SDCCAG8: variants seen among roughly 807,000 people sequenced by gnomAD.
SDCCAG8 encodes serologically defined colon cancer antigen 8.
Under a neutral mutation model 101.8 loss-of-function variants are expected in SDCCAG8, and 74 were observed. The observed-to-expected ratio is 0.73, with a 90% CI of 0.60 to 0.88. SDCCAG8 has a LOEUF of 0.88. Ranked by LOEUF, SDCCAG8 falls within the 40% of genes least tolerant of loss-of-function variation. SDCCAG8 has a pLI of 0.00. For missense variants in SDCCAG8, 787 were observed against 822.6 expected (o/e 0.96, Z 0.53); for synonymous variants, 281 against 292.9 (o/e 0.96, Z 0.41).
chr1:243,431,184 G>C (rs1295442596), intron 16 of SDCCAG8, among the ~76,000 whole-genome samples: 1 of 152,182 alleles, frequency 6.6e-6, no homozygotes. Flanking sequence ...GTGATAGAGC[G>C]AGACTTTGTC....
intron 16 of SDCCAG8, among the ~76,000 whole-genome samples, chr1:243,443,885 G>T: frequency 6.6e-6 from 1 of 151,614 alleles, no homozygotes. Context: ...TATATTCCTA[G>T]TTTTCAATAT....
chr1:243,399,902 A>C (rs946611848), intron 13 of SDCCAG8, among the ~76,000 whole-genome samples: 1 of 152,196 alleles, frequency 6.6e-6, no homozygotes, highest in East Asian at 1.9e-4. Flanking sequence ...CTTAATCCCC[A>C]CATAACCCTA....
At chr1:243,272,777 A>G (rs558806869) in intron 3 of SDCCAG8, among the ~76,000 whole-genome samples, 3 of 152,232 alleles carry the variant, frequency 2.0e-5, no homozygotes, top group Non-Finnish European at 4.4e-5. Context: ...ATTATAAACC[A>G]TAATAGTAAT....
chr1:243,460,563 G>T (rs1206012141), intron 16 of SDCCAG8, among the ~76,000 whole-genome samples: 1 of 152,212 alleles, frequency 6.6e-6, no homozygotes, highest in African/African-American at 2.4e-5. Flanking sequence ...AATGGATAAA[G>T]ATGATTCAGA....
intron 16 of SDCCAG8, among the ~76,000 whole-genome samples, chr1:243,430,948 C>T (rs2081711816): frequency 1.3e-5 from 2 of 152,064 alleles, no homozygotes; most frequent in Admixed American, 6.5e-5. Flanking sequence ...CCTGTAATCC[C>T]AGCCCTTTGA....
intron 16 of SDCCAG8, among the ~76,000 whole-genome samples, chr1:243,466,746 G>C (rs1056246504): frequency 2.6e-5 from 4 of 152,226 alleles, no homozygotes; most frequent in African/African-American, 7.2e-5. Flanking sequence ...AGGTCCTATC[G>C]AGAGTAGACA....
In SDCCAG8 at chr1:243,334,410, T is replaced by C. The variant is rs1457001482; in HGVS notation, c.1221+3718T>C. Among the ~76,000 whole-genome samples, 5 of 152,192 alleles carry C rather than the reference T, an allele frequency of 3.3e-5. No homozygotes were observed. In the South Asian group the frequency reaches 6.2e-4, roughly 19 times the overall value. On this transcript the variant is annotated intron_variant, in intron 10 of 17. Coordinates refer to ENST00000366541, the MANE Select transcript of SDCCAG8 (RefSeq NM_006642.5). ...TCCTCTCTTTGGCTCTCCGGTCTTA[T>C]GTTCCTTCATTTTTCTTCTTTGCAC...
chr1:243,354,384 T>G (rs967687454), intron 12 of SDCCAG8, among the ~76,000 whole-genome samples: 1 of 152,240 alleles, frequency 6.6e-6, no homozygotes, highest in African/African-American at 2.4e-5. Flanking sequence ...GACTGTCATC[T>G]GCAATTTTAG....
At chr1:243,307,403 A>G in intron 7 of SDCCAG8, 2 of 984,084 alleles carry the variant, frequency 2.0e-6, no homozygotes, top group Non-Finnish European at 2.4e-6. Flanking sequence ...TTCTTTTGAA[A>G]CAGATCTTTG....
At chr1:243,462,960 G>C (rs1197173790) in intron 16 of SDCCAG8, among the ~76,000 whole-genome samples, 2 of 152,194 alleles carry the variant, frequency 1.3e-5, no homozygotes, top group Admixed American at 6.5e-5. Context: ...GGTGGAAATG[G>C]TTTTGTCAGT....
Position 243,399,732 on chromosome 1 carries a change from C to A in SDCCAG8, c.1617-15970C>A, listed in dbSNP as rs902839285. 2.6e-5 allele frequency among the ~76,000 whole-genome samples: 4 copies of A among 152,240 alleles called. No homozygotes were observed. The East Asian group carries it at 7.7e-4, about 29-fold the overall frequency. On this transcript the variant is annotated intron_variant, in intron 13 of 17. Transcript: ENST00000366541. ...ATATTGGCCAGACTGATCTCAAGCT[C>A]CTGACTAGGCTCAAGCGATCACCTG... is the stretch of plus-strand genomic sequence containing the variant.
intron 13 of SDCCAG8, among the ~76,000 whole-genome samples, chr1:243,379,547 T>A (rs1026587964): frequency 6.6e-6 from 1 of 151,946 alleles, no homozygotes; most frequent in African/African-American, 2.4e-5. Context: ...GAAAAAAACA[T>A]ACACACACAT....
chr1:243,340,322 AGT>A (rs1289371164), intron 10 of SDCCAG8, among the ~76,000 whole-genome samples: 1 of 152,184 alleles, frequency 6.6e-6, no homozygotes, highest in African/African-American at 2.4e-5. Context: ...TGTGGGAAAC[AGT>A]GAGAGTGGAC....
chr1:243,422,602 C>A (rs1385617066), intron 15 of SDCCAG8, among the ~76,000 whole-genome samples: 1 of 152,144 alleles, frequency 6.6e-6, no homozygotes, highest in Non-Finnish European at 1.5e-5. Flanking sequence ...GAAGAACACA[C>A]ACCCGGTTGA....
intron 6 of SDCCAG8, among the ~76,000 whole-genome samples, chr1:243,302,923 C>A (rs1268573367): frequency 6.6e-6 from 1 of 152,154 alleles, no homozygotes; most frequent in Non-Finnish European, 1.5e-5. Flanking sequence ...TAGAAAAAGC[C>A]ATGAAAGTCA....
chr1:243,333,384 A>G (rs1356385566), intron 10 of SDCCAG8, among the ~76,000 whole-genome samples: 2 of 152,234 alleles, frequency 1.3e-5, no homozygotes, highest in Non-Finnish European at 2.9e-5. Context: ...CTGATTGTCC[A>G]AACAGTACCC....
intron 9 of SDCCAG8, among the ~76,000 whole-genome samples, chr1:243,319,808 C>T (rs1199412372): frequency 6.6e-6 from 1 of 152,152 alleles, no homozygotes; most frequent in African/African-American, 2.4e-5. Context: ...TACTATATCC[C>T]CTACTTCTAC....
intron 16 of SDCCAG8, among the ~76,000 whole-genome samples, chr1:243,441,500 T>C (rs1231958188): frequency 6.6e-6 from 1 of 152,210 alleles, no homozygotes; most frequent in Non-Finnish European, 1.5e-5. Flanking sequence ...AGGAAATCTG[T>C]GGTCAGAATT....
intron 5 of SDCCAG8, among the ~76,000 whole-genome samples, chr1:243,286,662 G>A (rs2069648932): frequency 6.6e-6 from 1 of 152,194 alleles, no homozygotes; most frequent in South Asian, 2.1e-4. Flanking sequence ...CTGAAAGCAG[G>A]AAGTGTGTTA....
Sources: allele counts gnomAD v4.1 joint callset (sites outside exome capture counted in the v4.1 genomes callset), GRCh38; gene constraint gnomAD v4.1.1; transcripts MANE v1.5; gene names NCBI Gene and HGNC (gene_info 2026-07-23, HGNC 2026-07-21).